The following VWC2L variants were observed in gnomAD, a reference collection of about 807,000 sequenced individuals.
VWC2L encodes the protein von Willebrand factor C domain-containing protein 2-like.
In VWC2L, 10 loss-of-function variants were observed where a neutral mutation model predicts 21.6. The ratio of observed to expected loss-of-function variants is 0.46; its 90% confidence interval spans 0.29 to 0.78. The LOEUF (loss-of-function observed/expected upper bound fraction) is 0.78, where lower values mean the gene tolerates loss of function less well. Among genes scored for constraint, VWC2L ranks in the 30% least tolerant of loss-of-function variants. The probability of loss-of-function intolerance (pLI) is 0.10; values close to 1 mark genes in which losing one functional copy is unlikely to be tolerated. For synonymous variants in VWC2L, 96 were observed against 94.3 expected, an observed-to-expected ratio of 1.02 and a Z score of -0.10; for missense variants, 209 against 277.1, an observed-to-expected ratio of 0.75 and a Z score of 1.74.
intron 3 of VWC2L, among the ~76,000 whole-genome samples, chr2:214,557,685 G>T (rs1394532955): frequency 1.3e-5 from 2 of 151,992 alleles, no homozygotes; most frequent in Non-Finnish European, 2.9e-5. Flanking sequence ...GCAGATTAGG[G>T]CCCCTCCTAC....
intron 3 of VWC2L, among the ~76,000 whole-genome samples, chr2:214,504,368 G>C (rs1443424424): frequency 1.3e-5 from 2 of 152,196 alleles, no homozygotes; most frequent in African/African-American, 4.8e-5. Context: ...CCATGTCTAA[G>C]TGTTTAGAGT....
In VWC2L at chr2:214,414,111, C is replaced by A; in HGVS notation, c.-80-3C>A. On this transcript the variant is annotated splice_region_variant and splice_polypyrimidine_tract_variant and intron_variant, in intron 1 of 3. Coordinates refer to ENST00000312504, the MANE Select transcript of VWC2L (RefSeq NM_001080500.4). ...ATTATTCTTTTTAAATATTTATTTT[C>A]AGCCTACCCCTCTTGTATTCCCATG... The A allele has an allele frequency of 7.1e-7, 1 of 1,404,618 alleles. No individual in the cohort carries two copies. The highest frequency in any genetic ancestry group is 9.6e-7 in the Non-Finnish European group (1 of 1,037,854). 87.0% of individuals were successfully genotyped at this position (1,404,618 alleles called of 1,614,324 possible).
At chr2:214,435,170 A>G (rs1166679144) in intron 2 of VWC2L, among the ~76,000 whole-genome samples, 2 of 152,196 alleles carry the variant, frequency 1.3e-5, no homozygotes, top group African/African-American at 4.8e-5. Context: ...TTCTCCATTA[A>G]ATAATGTACT....
At chr2:214,419,503 C>T (rs1019070363) in intron 2 of VWC2L, among the ~76,000 whole-genome samples, 3 of 152,182 alleles carry the variant, frequency 2.0e-5, no homozygotes, top group African/African-American at 7.2e-5. Flanking sequence ...AGTTGTAGGT[C>T]ATACACTGAA....
rs189753779 is a variant in VWC2L at position 214,427,269 on chromosome 2, T to C, written c.391-9360T>C. Among the ~76,000 whole-genome samples the C allele has an allele frequency of 3.2e-4, 49 of 152,212 alleles. 1 individual carries two copies. In the Middle Eastern group the frequency reaches 0.017, roughly 53 times the overall value. ...TTTTCCCCCAACATTAAAAATAAAA[T>C]CCTGCTAAAATTGCAAACCTTTGAC... On this transcript the variant is annotated intron_variant, in intron 2 of 3. Transcript: ENST00000312504.
chr2:214,562,154 A>G (rs1177023769), intron 3 of VWC2L, among the ~76,000 whole-genome samples: 3 of 151,534 alleles, frequency 2.0e-5, no homozygotes, highest in Non-Finnish European at 2.9e-5. Flanking sequence ...CCCTCCCCCA[A>G]CTACACCCCC....
chr2:214,453,834 T>C (rs1330571118), intron 3 of VWC2L, among the ~76,000 whole-genome samples: 1 of 151,648 alleles, frequency 6.6e-6, no homozygotes, highest in Non-Finnish European at 1.5e-5. Context: ...GCTTCTCCTG[T>C]CTCAGCCTCC....
intron 3 of VWC2L, among the ~76,000 whole-genome samples, chr2:214,461,107 G>A (rs1394707131): frequency 6.6e-6 from 1 of 152,222 alleles, no homozygotes; most frequent in Admixed American, 6.5e-5. Flanking sequence ...TGTTAGGAAT[G>A]GGGATGCCAG....
At chr2:214,478,436 G>A (rs564590364) in intron 3 of VWC2L, among the ~76,000 whole-genome samples, 6 of 149,866 alleles carry the variant, frequency 4.0e-5, no homozygotes, top group South Asian at 2.1e-4. Context: ...CGGAGATCGC[G>A]CCACTGCACT....
chr2:214,531,041 C>T (rs188344452), intron 3 of VWC2L, among the ~76,000 whole-genome samples: 2 of 152,288 alleles, frequency 1.3e-5, no homozygotes, highest in Admixed American at 1.3e-4. Flanking sequence ...TAAGATATTT[C>T]CATCTTCATC....
chr2:214,417,749 T>C (rs1198119404), intron 2 of VWC2L, among the ~76,000 whole-genome samples: 2 of 152,042 alleles, frequency 1.3e-5, no homozygotes, highest in Non-Finnish European at 2.9e-5. Flanking sequence ...TGAAGAATAA[T>C]AGGAAATAAA....
intron 3 of VWC2L, among the ~76,000 whole-genome samples, chr2:214,564,441 A>G (rs555760841): frequency 3.1e-4 from 47 of 151,356 alleles, no homozygotes; most frequent in African/African-American, 1.1e-3. Context: ...ACAGTAACCA[A>G]AACAGCATGG....
intron 2 of VWC2L, among the ~76,000 whole-genome samples, chr2:214,432,776 C>T (rs908253470): frequency 6.6e-6 from 1 of 152,138 alleles, no homozygotes; most frequent in East Asian, 1.9e-4. Context: ...AGTCCTAGCA[C>T]TTTGGGAGGC....
intron 3 of VWC2L, among the ~76,000 whole-genome samples, chr2:214,536,027 C>A (rs529762378): frequency 6.6e-6 from 1 of 152,062 alleles, no homozygotes; most frequent in Non-Finnish European, 1.5e-5. Flanking sequence ...CAGGGGAAAT[C>A]AAAGTGTTTC....
intron 3 of VWC2L, among the ~76,000 whole-genome samples, chr2:214,496,060 C>T (rs549789555): frequency 5.1e-4 from 77 of 152,098 alleles, no homozygotes; most frequent in East Asian, 1.4e-3. Context: ...TACACACTTA[C>T]GCTATAGGGT....
chr2:214,501,533 C>A (rs1343276919), intron 3 of VWC2L, among the ~76,000 whole-genome samples: 1 of 151,976 alleles, frequency 6.6e-6, no homozygotes, highest in African/African-American at 2.4e-5. Flanking sequence ...ACCAGCCTGG[C>A]CAACATGGTG....
In VWC2L at chr2:214,414,448, C is replaced by T. The variant is rs373444202; in HGVS notation, c.255C>T (p.Cys85=). 1.2e-5 allele frequency: 19 copies of T among 1,613,178 alleles called. No homozygotes were observed. The South Asian group carries it at 1.3e-4, about 11-fold the overall frequency. The change falls in exon 2 of 4, where the codon TGC becomes TGT. Residue 85 remains cysteine (C), a synonymous_variant. Coordinates refer to ENST00000312504, the MANE Select transcript of VWC2L (RefSeq NM_001080500.4). ...PCVCALDGPV[C]DQPECPKIHP... The stretch of plus-strand genomic sequence containing the variant: ...TCTGTGCTCTAGATGGACCTGTTTG[C>T]GACCAACCAGAATGCCCTAAAATTC...
intron 3 of VWC2L, among the ~76,000 whole-genome samples, chr2:214,530,248 C>A: frequency 6.6e-6 from 1 of 152,250 alleles, no homozygotes; most frequent in Middle Eastern, 3.4e-3. Context: ...CGTGACAGCA[C>A]CACCGTTACC....
intron 3 of VWC2L, among the ~76,000 whole-genome samples, chr2:214,560,662 C>A (rs570692690): frequency 1.3e-5 from 2 of 152,122 alleles, no homozygotes; most frequent in Non-Finnish European, 2.9e-5. Flanking sequence ...TAACCTGTTT[C>A]AATCCCAAAG....
Sources: gnomAD v4.1 joint callset for allele counts (sites outside exome capture counted in the v4.1 genomes callset) on GRCh38, gnomAD v4.1.1 for gene constraint, MANE v1.5 for transcripts, NCBI Gene and HGNC (gene_info 2026-07-23, HGNC 2026-07-21) for gene names.